The following REDIC1 variants were observed in gnomAD, a reference collection of about 807,000 sequenced individuals.
REDIC1 encodes HEI10 Interacting Protein 1.
chr12:39,643,906 A>T, the REDIC1 span: 1 of 1,553,998 alleles, frequency 6.4e-7, no homozygotes, highest in Non-Finnish European at 8.7e-7. Context: ...TCTTGCAAGA[A>T]GAAAATTCCT....
At chr12:39,813,540 T>C in the REDIC1 span, among the ~76,000 whole-genome samples, 1 of 152,224 alleles carries the variant, frequency 6.6e-6, no homozygotes, top group South Asian at 2.1e-4. Context: ...TATAACAATA[T>C]GATTACTGCA....
chr12:39,775,615 T>C, the REDIC1 span, among the ~76,000 whole-genome samples: 7 of 152,242 alleles, frequency 4.6e-5, no homozygotes, highest in Admixed American at 1.3e-4. Flanking sequence ...AGCCTGGCCA[T>C]GGCCTACTTC....
At chr12:39,798,582 A>G in the REDIC1 span, among the ~76,000 whole-genome samples, 1 of 152,222 alleles carries the variant, frequency 6.6e-6, no homozygotes, top group African/African-American at 2.4e-5. Flanking sequence ...CTGTAAAGCA[A>G]GTGCTTCTGT....
chr12:39,789,536 A>C, the REDIC1 span, among the ~76,000 whole-genome samples: 2 of 152,168 alleles, frequency 1.3e-5, no homozygotes, highest in Admixed American at 1.3e-4. Flanking sequence ...CATGTGTGCA[A>C]GGGTTTCTCT....
At chr12:39,691,931 A>T in the REDIC1 span, 1 of 874,778 alleles carries the variant, frequency 1.1e-6, no homozygotes, top group Non-Finnish European at 1.6e-6. Context: ...AACCATGTTG[A>T]ACTGAAGTAA....
chr12:39,629,392 T>C, the REDIC1 span, among the ~76,000 whole-genome samples: 44 of 152,324 alleles, frequency 2.9e-4, no homozygotes, highest in African/African-American at 8.9e-4. Context: ...AGCAACCAGA[T>C]TGCATACACT....
At chr12:39,653,558 T>TTCTTTCTTCTTCTTCTTCTTC in the REDIC1 span, among the ~76,000 whole-genome samples, 3 of 43,880 alleles carry the variant, frequency 6.8e-5, no homozygotes, top group Admixed American at 2.5e-4. Flanking sequence ...CTTCTTCTTC[T>TTCTTTCTTCTTCTTCTTCTTC]TTCTTCTTCT....
At chr12:39,868,075 C>A in the REDIC1 span, among the ~76,000 whole-genome samples, 1 of 152,180 alleles carries the variant, frequency 6.6e-6, no homozygotes, top group African/African-American at 2.4e-5. Context: ...GATGTTTTAT[C>A]AGTCCCTTGT....
the REDIC1 span, chr12:39,764,932 TTATG>T: frequency 6.6e-7 from 1 of 1,516,080 alleles, no homozygotes; most frequent in South Asian, 1.2e-5. Context: ...ATGATCATAT[TTATG>T]TATTTGGAAA....
the REDIC1 span, among the ~76,000 whole-genome samples, chr12:39,823,453 G>A: frequency 6.6e-6 from 1 of 152,012 alleles, no homozygotes. Context: ...TTTTAAAGAG[G>A]TTACAAAGGA....
chr12:39,729,673 G>T, the REDIC1 span, among the ~76,000 whole-genome samples: 15 of 152,118 alleles, frequency 9.9e-5, no homozygotes, highest in African/African-American at 3.6e-4. Flanking sequence ...TGTCTATTAG[G>T]TCCACTTGTT....
chr12:39,744,986 A>T, the REDIC1 span, among the ~76,000 whole-genome samples: 1 of 152,214 alleles, frequency 6.6e-6, no homozygotes, highest in Admixed American at 6.5e-5. Flanking sequence ...AAGTAAGAAG[A>T]TGGTTAGCAT....
chr12:39,843,942 C>T, the REDIC1 span, among the ~76,000 whole-genome samples: 1 of 151,872 alleles, frequency 6.6e-6, no homozygotes, highest in Non-Finnish European at 1.5e-5. Context: ...TTTTTCCCCC[C>T]AAAGCATTAC....
the REDIC1 span, among the ~76,000 whole-genome samples, chr12:39,896,274 GTATA>G: frequency 1.7e-4 from 20 of 118,364 alleles, no homozygotes; most frequent in East Asian, 4.5e-3. Context: ...GTGTATATAT[GTATA>G]CATGTATGTA....
the REDIC1 span, among the ~76,000 whole-genome samples, chr12:39,789,675 A>G: frequency 6.6e-6 from 1 of 152,168 alleles, no homozygotes; most frequent in Admixed American, 6.6e-5. Flanking sequence ...TAGCAGTAGA[A>G]GACAGAGAAC....
At chr12:39,711,867 A>ATG in the REDIC1 span, among the ~76,000 whole-genome samples, 179 of 58,176 alleles carry the variant, frequency 3.1e-3, no homozygotes, top group Non-Finnish European at 4.4e-3. Context: ...ATGTGTATAC[A>ATG]CGTATACACA....
chr12:39,656,936 T>G, the REDIC1 span, among the ~76,000 whole-genome samples: 1 of 152,172 alleles, frequency 6.6e-6, no homozygotes, highest in Non-Finnish European at 1.5e-5. Context: ...AGTCAAAAAG[T>G]TTAAAAAATT....
At chr12:39,788,678 C>G in the REDIC1 span, 1 of 152,162 alleles carries the variant, frequency 6.6e-6, no homozygotes, top group Non-Finnish European at 1.5e-5. Context: ...GGTGTGAAAA[C>G]TTTAGGAATC....
the REDIC1 span, among the ~76,000 whole-genome samples, chr12:39,839,737 A>G: frequency 6.6e-6 from 1 of 151,998 alleles, no homozygotes; most frequent in African/African-American, 2.4e-5. Flanking sequence ...TTACATGACC[A>G]TTGCTATAAC....
Sources: allele counts gnomAD v4.1 joint callset (sites outside exome capture counted in the v4.1 genomes callset), GRCh38; gene constraint gnomAD v4.1.1; transcripts MANE v1.5; gene names NCBI Gene and HGNC (gene_info 2026-07-23, HGNC 2026-07-21).